The following GATA3 variants were observed in gnomAD, a reference collection of about 807,000 sequenced individuals.
GATA3 encodes trans-acting T-cell-specific transcription factor GATA-3.
GATA3 carries 6 observed loss-of-function variants against 36.0 expected under a neutral mutation model. That is an observed-to-expected ratio of 0.17 (90% CI 0.09 to 0.33). The LOEUF is 0.33. Among genes scored for constraint, GATA3 ranks in the 10% least tolerant of loss-of-function variants. The pLI, the probability that GATA3 is intolerant of heterozygous loss-of-function variation, is 1.00. For synonymous variants in GATA3, 326 were observed against 273.0 expected (o/e 1.19, Z -1.92); for missense variants, 514 against 610.1 (o/e 0.84, Z 1.66).
At chr10:8,047,944 C>T (rs1030358220) in intron 1 of GATA3, among the ~76,000 whole-genome samples, 3 of 151,988 alleles carry the variant, frequency 2.0e-5, no homozygotes, top group African/African-American at 7.2e-5. Flanking sequence ...TCTAGCATGT[C>T]CAAAGGAAGA....
chr10:8,050,738 C>T, upstream of GATA3: 1 of 277,128 alleles, frequency 3.6e-6, no homozygotes, highest in East Asian at 1.4e-4. Flanking sequence ...CAAATATTTG[C>T]TGCCTCGCTG....
At chr10:8,058,170 A>ATT in intron 2 of GATA3, 135 bp from the exon 3 acceptor site, 2 of 930,262 alleles carry the variant, frequency 2.1e-6, no homozygotes, top group Non-Finnish European at 1.7e-6. Context: ...CCAGGATGAG[A>ATT]GAGTGGGCCT....
Position 8,055,714 on chromosome 10 carries a change from A to G in GATA3, c.59A>G (p.Asn20Ser), listed in dbSNP as rs1355554271. The part of the protein sequence containing the change: ...WVSHHHPAVL[N>S]GQHPDTHHPG... ...AGCCACCACCACCCCGCCGTGCTCA[A>G]CGGGCAGCACCCGGACACGCACCAC... The change falls in exon 2 of 6, where the codon AAC (asparagine) becomes AGC (serine). Residue 20 changes from asparagine (N) to serine (S), a missense_variant. Coordinates refer to ENST00000379328, the MANE Select transcript of GATA3 (RefSeq NM_001002295.2). The surrounding 1 kb of genome is among the most constrained non-coding windows in gnomAD (Gnocchi z 5.4). 3.8e-6 allele frequency: 6 copies of G among 1,566,902 alleles called. No individual in the cohort carries two copies. In the East Asian group the frequency reaches 1.4e-4, roughly 37 times the overall value.
At chr10:8,060,201 G>T (rs560309309) in intron 3 of GATA3, among the ~76,000 whole-genome samples, 2 of 152,224 alleles carry the variant, frequency 1.3e-5, no homozygotes, top group Non-Finnish European at 2.9e-5. Flanking sequence ...ACTGCTGCAC[G>T]CGACAGTTGC....
Position 8,058,421 on chromosome 10 carries a change from A to T in GATA3, c.358A>T (p.Thr120Ser), listed in dbSNP as rs1445620863. 1.9e-6 allele frequency: 3 copies of T among 1,612,658 alleles called. No homozygotes were observed. Among genetic ancestry groups the T allele is most frequent in the Non-Finnish European group, 2.5e-6 (3 of 1,179,920 alleles). The change falls in exon 3 of 6, where the codon ACG (threonine) becomes TCG (serine). Residue 120 changes from threonine (T) to serine (S), a missense_variant. Thr to Ser is a moderately conservative substitution (Grantham distance 58). Transcript: ENST00000379328. Reference sequence around the variant, plus strand: ...CTGGAATCTCAGCCCCTTCTCCAAGACGTCCATCCACCACGGCTCCCCGGG... The same window carrying T: ...CTGGAATCTCAGCCCCTTCTCCAAGTCGTCCATCCACCACGGCTCCCCGGG... ...SPWNLSPFSK[T>S]SIHHGSPGPL...
chr10:8,064,201 C>A (rs577677207), intron 4 of GATA3, 63 bp downstream of exon 4: 38 of 1,601,394 alleles, frequency 2.4e-5, no homozygotes, highest in Non-Finnish European at 3.2e-5. Context: ...TTCCTCTCTT[C>A]CGGAAGGACA....
chr10:8,059,514 C>G (rs1253389799), intron 3 of GATA3, among the ~76,000 whole-genome samples: 1 of 152,198 alleles, frequency 6.6e-6, no homozygotes, highest in African/African-American at 2.4e-5. Context: ...CCTGCAGCGT[C>G]TCCTAGAGCT....
chr10:8,057,581 A>C (rs924495077), intron 2 of GATA3, among the ~76,000 whole-genome samples: 14 of 152,294 alleles, frequency 9.2e-5, no homozygotes, highest in African/African-American at 2.4e-4. Flanking sequence ...GAAAATGGCC[A>C]TCCCAGGGTC....
At chr10:8,058,953 C>A in intron 3 of GATA3, 112 bp downstream of exon 3, 1 of 943,964 alleles carries the variant, frequency 1.1e-6, no homozygotes, top group Non-Finnish European at 1.6e-6. Context: ...CCAAAGCCTG[C>A]TGAGATGCCA....
In GATA3 at chr10:8,058,618, G is replaced by A; in HGVS notation, c.555G>A (p.Lys185=). Residue 185 remains lysine, a synonymous_variant, in exon 3 of 6, where the codon AAG becomes AAA. Coordinates refer to ENST00000379328, the MANE Select transcript of GATA3 (RefSeq NM_001002295.2). ...SARQDEKECL[K]YQVPLPDSMK... is the part of the protein sequence containing the mutation. ...GGCAGGACGAGAAAGAGTGCCTCAAGTACCAGGTGCCCCTGCCCGACAGCA... is the reference window on the plus strand; with the variant it reads ...GGCAGGACGAGAAAGAGTGCCTCAAATACCAGGTGCCCCTGCCCGACAGCA... 6.2e-7 allele frequency: 1 copy of A among 1,612,376 alleles called. No homozygotes were observed. Among genetic ancestry groups the A allele is most frequent in the Non-Finnish European group, 8.5e-7 (1 of 1,179,906 alleles).
Position 8,055,571 on chromosome 10 carries a change from G to A in GATA3, c.-85G>A. ...GACCCCCGACCCTCCGACGGCAGGA[G>A]CCCCCCGACCTCCCAGGCGGACCGC... On this transcript the variant is annotated 5_prime_UTR_variant, in exon 2 of 6. Coordinates refer to ENST00000379328, the MANE Select transcript of GATA3 (RefSeq NM_001002295.2). This position sits in a 1 kb window ranked among gnomAD's most constrained non-coding sequence, Gnocchi z 5.4. 2 of 1,484,896 alleles carry A rather than the reference G, an allele frequency of 1.3e-6. No individual in the cohort carries two copies. Among genetic ancestry groups the A allele is most frequent in the Admixed American group, 2.1e-5 (1 of 47,040 alleles). The allele number at this position is 1,484,896 out of a possible 1,614,324, so 92.0% of individuals were successfully genotyped here.
rs761929509 is a variant in GATA3 at position 8,058,667 on chromosome 10, C to A, written c.604C>A (p.Arg202Ser). Residue 202 changes from arginine (R) to serine (S), a missense_variant, in exon 3 of 6, where the codon CGT (arginine) becomes AGT (serine). This residue lies in a region of GATA3 where 381 missense variants were observed against 354.3 expected (regional missense o/e 1.08). Coordinates refer to ENST00000379328, the MANE Select transcript of GATA3 (RefSeq NM_001002295.2). ...CATGAAGCTGGAGTCGTCCCACTCC[C>A]GTGGCAGCATGACCGCCCTGGGTGG... ...DSMKLESSHS[R>S]GSMTALGGAS... 2 of 1,613,174 alleles carry A rather than the reference C, an allele frequency of 1.2e-6. No homozygotes were observed. The highest frequency in any genetic ancestry group is 1.7e-6 in the Non-Finnish European group (2 of 1,179,992).
intron 1 of GATA3, among the ~76,000 whole-genome samples, chr10:8,047,971 T>G (rs1832412910): frequency 6.6e-6 from 1 of 152,128 alleles, no homozygotes. Context: ...CGGTTTGTGC[T>G]TTTAAAAGCG....
In GATA3 at chr10:8,069,769, G is replaced by A. The variant is rs11567929; in HGVS notation, c.1050+171G>A. 1.1e-3 allele frequency among the ~76,000 whole-genome samples: 163 copies of A among 152,214 alleles called. 1 individual carries two copies. The highest frequency in any genetic ancestry group is 4.4e-3 in the East Asian group (23 of 5,182). On this transcript the variant is annotated intron_variant, in intron 5 of 5. Transcript: ENST00000379328. ...GAAAACTACTTTGTCTAGCATAGCC[G>A]TGCTGAGGCCGAGGGGGCTCACAGC...
chr10:8,069,189 A>G (rs974669165), intron 4 of GATA3, among the ~76,000 whole-genome samples: 5 of 152,082 alleles, frequency 3.3e-5, no homozygotes, highest in African/African-American at 1.2e-4. Flanking sequence ...GGAGGCTAAG[A>G]CTGCCAGGGA....
chr10:8,046,045 G>A (rs1246254792), intron 1 of GATA3, among the ~76,000 whole-genome samples: 6 of 152,334 alleles, frequency 3.9e-5, no homozygotes, highest in Admixed American at 3.3e-4. Context: ...ATACCCCCGG[G>A]AAGCTAGGGG....
Position 8,055,303 on chromosome 10 carries a change from C to T in GATA3, c.-353C>T, listed in dbSNP as rs1832608044. 2 of 434,060 alleles carry T rather than the reference C, an allele frequency of 4.6e-6. No homozygotes were observed. Among genetic ancestry groups the T allele is most frequent in the African/African-American group, 4.2e-5 (2 of 48,132 alleles). 26.9% of individuals were successfully genotyped at this position (434,060 alleles called of 1,614,324 possible). On this transcript the variant is annotated 5_prime_UTR_variant, in exon 2 of 6. Transcript: ENST00000379328. The surrounding 1 kb of genome is among the most constrained non-coding windows in gnomAD (Gnocchi z 5.4). ...CCCTTGCAGGTGACCCGAGGAGGGA[C>T]TCCGCCTCCGAGCGGCTGAGGACCC...
At chr10:8,045,766 G>A (rs531669364) in intron 1 of GATA3, among the ~76,000 whole-genome samples, 3 of 152,202 alleles carry the variant, frequency 2.0e-5, no homozygotes, top group Non-Finnish European at 4.4e-5. Context: ...AAGTAGGGAT[G>A]TGAAGAAAAA....
At chr10:8,050,286 C>T (rs1054988804), upstream of GATA3, among the ~76,000 whole-genome samples, 4 of 152,214 alleles carry the variant, frequency 2.6e-5, no homozygotes, top group African/African-American at 7.2e-5. Flanking sequence ...AATGGAGACA[C>T]CCAATTAAAG....
Sources: allele counts gnomAD v4.1 joint callset (sites outside exome capture counted in the v4.1 genomes callset), GRCh38; gene constraint gnomAD v4.1.1; regional missense constraint gnomAD v4.1.1; non-coding constraint Gnocchi (gnomAD v3.1); transcripts MANE v1.5; gene names NCBI Gene and HGNC (gene_info 2026-07-23, HGNC 2026-07-21).